The following SLC26A8 variants were observed in gnomAD, a reference collection of about 807,000 sequenced individuals.
SLC26A8 encodes the protein solute carrier family 26 member 8.
In SLC26A8, 70 loss-of-function variants were observed where a neutral mutation model predicts 105.0. That is an observed-to-expected ratio of 0.67 (90% CI 0.55 to 0.81). The LOEUF (loss-of-function observed/expected upper bound fraction) is 0.81, where lower values mean the gene tolerates loss of function less well. SLC26A8 is among the 40% of genes least tolerant of loss of function. The pLI is 0.00. For missense variants in SLC26A8, 998 were observed against 1,181.8 expected (o/e 0.84, Z 2.28); for synonymous variants, 415 against 438.3 (o/e 0.95, Z 0.66).
At chr6:36,001,612 G>T (rs948076003) in intron 3 of SLC26A8, among the ~76,000 whole-genome samples, 1 of 152,246 alleles carries the variant, frequency 6.6e-6, no homozygotes, top group Non-Finnish European at 1.5e-5. Flanking sequence ...ACCTGCCAGA[G>T]GTGGCTTCAA....
chr6:35,976,475 C>T (rs1472064073), intron 9 of SLC26A8, among the ~76,000 whole-genome samples: 2 of 149,826 alleles, frequency 1.3e-5, no homozygotes, highest in African/African-American at 4.9e-5. Context: ...ATATTTCCCT[C>T]TTGAGTTCTA....
chr6:36,019,492 C>A, intron 2 of SLC26A8, 28 bp downstream of exon 2: 1 of 1,601,964 alleles, frequency 6.2e-7, no homozygotes. Context: ...CCCGGCTCGG[C>A]AGCAGGTGAA....
intron 1 of SLC26A8, among the ~76,000 whole-genome samples, chr6:36,021,730 T>C (rs1207805691): frequency 6.6e-6 from 1 of 152,160 alleles, no homozygotes; most frequent in Admixed American, 6.5e-5. Context: ...GGCTTTTAAA[T>C]GTTGTCAATT....
chr6:35,989,224 C>T (rs1204341977), intron 7 of SLC26A8, among the ~76,000 whole-genome samples: 1 of 152,134 alleles, frequency 6.6e-6, no homozygotes, highest in African/African-American at 2.4e-5. Flanking sequence ...ATTTCCATCA[C>T]CCTGATAAAT....
chr6:35,965,539 G>A (rs1157542001), intron 11 of SLC26A8, among the ~76,000 whole-genome samples: 3 of 151,848 alleles, frequency 2.0e-5, no homozygotes, highest in Admixed American at 6.6e-5. Flanking sequence ...AAAGTTAGCC[G>A]GGTGTGGTGA....
chr6:35,963,404 C>T (rs572952262), intron 11 of SLC26A8, among the ~76,000 whole-genome samples: 1 of 152,324 alleles, frequency 6.6e-6, no homozygotes, highest in South Asian at 2.1e-4. Context: ...CAACCCTAAG[C>T]TCCCGCCTTA....
rs192191113 is a variant in SLC26A8 at position 36,002,033 on chromosome 6, T to C, written c.329-1925A>G. Among the ~76,000 whole-genome samples the C allele has an allele frequency of 1.3e-3, 197 of 152,346 alleles. 1 individual carries two copies. Among genetic ancestry groups the C allele is most frequent in the African/African-American group, 4.5e-3 (187 of 41,572 alleles). On this transcript the variant is annotated intron_variant, in intron 3 of 19. Transcript: ENST00000490799. ...CTAAATCAGAACCCAAATATGGTCC[T>C]CACATTGGTTGATATGTCTCTTAAG...
chr6:36,019,442 G>C, intron 2 of SLC26A8, 78 bp downstream of exon 2: 1 of 1,410,242 alleles, frequency 7.1e-7, no homozygotes, highest in Non-Finnish European at 9.5e-7. Context: ...ACAAGAAAGA[G>C]AAACGGACCC....
At position 35,963,172 on chromosome 6, in the gene SLC26A8, CG is replaced by C. The variant is rs1238772521; in HGVS notation, c.1366-552del. Among the ~76,000 whole-genome samples the C allele has an allele frequency of 6.6e-5, 10 of 152,166 alleles. No individual in the cohort carries two copies. The East Asian group carries it at 7.7e-4, about 12-fold the overall frequency. On this transcript the variant is annotated intron_variant, in intron 11 of 19. Coordinates refer to ENST00000490799, the MANE Select transcript of SLC26A8 (RefSeq NM_052961.4). ...CACCTCCTTACCATTGAGCAGGCCC[CG>C]GAGACAAAAACTTCTTATCTGAGCA...
At chr6:35,948,166 C>T (rs910951502) in intron 19 of SLC26A8, among the ~76,000 whole-genome samples, 2 of 152,044 alleles carry the variant, frequency 1.3e-5, no homozygotes, top group African/African-American at 4.8e-5. Context: ...GGGGACCTGA[C>T]AAAAGATTCA....
chr6:35,981,532 G>A lies in SLC26A8; in HGVS notation c.1025+589C>T, dbSNP rs1773265878. On this transcript the variant is annotated intron_variant, in intron 8 of 19. Coordinates refer to ENST00000490799, the MANE Select transcript of SLC26A8 (RefSeq NM_052961.4). The surrounding 1 kb of genome is among the most constrained non-coding windows in gnomAD (Gnocchi z 4.0). ...CAGTGCACGGCGGTGTACACCTGTA[G>A]TCCCAACTACTCAGAGAGCTGAGGA... Among the ~76,000 whole-genome samples, 1 of 152,152 alleles carries A rather than the reference G, an allele frequency of 6.6e-6. No homozygotes were observed. The highest frequency in any genetic ancestry group is 1.5e-5 in the Non-Finnish European group (1 of 68,032).
intron 5 of SLC26A8, among the ~76,000 whole-genome samples, chr6:35,996,925 C>G (rs1421251120): frequency 6.6e-6 from 1 of 151,798 alleles, no homozygotes; most frequent in Non-Finnish European, 1.5e-5. Context: ...ATCCCAGCTA[C>G]TTGGGAGGCT....
In SLC26A8 at chr6:35,943,810, C is replaced by T. The variant is rs866346466; in HGVS notation, c.*90G>A. 35 of 1,528,760 alleles carry T rather than the reference C, an allele frequency of 2.3e-5. No homozygotes were observed. The African/African-American group carries it at 3.4e-4, about 15-fold the overall frequency. The allele number at this position is 1,528,760 out of a possible 1,614,324, so 94.7% of individuals were successfully genotyped here. A position where few individuals can be genotyped will look rare whatever the true frequency, so the allele number is the denominator to read the frequency against. The stretch of plus-strand genomic sequence containing the variant: ...AGTCAGGAAGGAAGTACTGCTAGTT[C>T]GTATCCAGTCTAGGTCTCTGGACAA... On this transcript the variant is annotated 3_prime_UTR_variant, in exon 20 of 20. Transcript: ENST00000490799.
chr6:35,949,861 A>G (rs1771800603), intron 19 of SLC26A8, among the ~76,000 whole-genome samples: 1 of 151,570 alleles, frequency 6.6e-6, no homozygotes, highest in Non-Finnish European at 1.5e-5. Context: ...TCTGGAGTGC[A>G]GTGGCGCGAT....
At chr6:35,970,791 C>T (rs1772763658) in intron 10 of SLC26A8, among the ~76,000 whole-genome samples, 1 of 152,056 alleles carries the variant, frequency 6.6e-6, no homozygotes, top group Non-Finnish European at 1.5e-5. Context: ...TTTGGGAGGC[C>T]GAGCCAGGCA....
chr6:35,989,901 T>TTTG (rs1581670511), intron 7 of SLC26A8: 1 of 125,796 alleles, frequency 7.9e-6, no homozygotes, highest in East Asian at 2.1e-4. Context: ...TCTGTTTTTT[T>TTTG]TTTGTTTGTT....
rs1562037149 is a variant in SLC26A8, at chr6:35,975,478, G to T, written c.1184C>A (p.Ala395Asp). ...ACTGACGACATTGCAAAGGCCGATG[G>T]CTATTAAATCCTGTAAAGAAACAGC... ...YSVNSNQDLI[A>D]IGLCNVVSSF... Residue 395 changes from alanine to aspartate, a missense_variant, in exon 10 of 20, where the codon GCC (alanine) becomes GAC (aspartate). Coordinates refer to ENST00000490799, the MANE Select transcript of SLC26A8 (RefSeq NM_052961.4). 6.2e-7 allele frequency: 1 copy of T among 1,609,306 alleles called. No individual in the cohort carries two copies. The highest frequency in any genetic ancestry group is 8.5e-7 in the Non-Finnish European group (1 of 1,176,784).
At chr6:35,999,631 A>G (rs1297422957) in intron 4 of SLC26A8, among the ~76,000 whole-genome samples, 2 of 152,162 alleles carry the variant, frequency 1.3e-5, no homozygotes, top group Non-Finnish European at 2.9e-5. Flanking sequence ...CAGCCCATGG[A>G]GTTTGGTTAT....
chr6:36,012,632 A>G (rs959823756), intron 2 of SLC26A8, among the ~76,000 whole-genome samples: 1 of 152,188 alleles, frequency 6.6e-6, no homozygotes. Flanking sequence ...ACAGCTAACA[A>G]TAACAATGTC....
Sources: allele counts gnomAD v4.1 joint callset (sites outside exome capture counted in the v4.1 genomes callset), GRCh38; gene constraint gnomAD v4.1.1; non-coding constraint Gnocchi (gnomAD v3.1); transcripts MANE v1.5; gene names NCBI Gene and HGNC (gene_info 2026-07-23, HGNC 2026-07-21).